The following SRD5A2 variants were observed in gnomAD, a reference collection of about 807,000 sequenced individuals.
SRD5A2 encodes 3-oxo-5-alpha-steroid 4-dehydrogenase 2.
In SRD5A2, 30 loss-of-function variants were observed where a neutral mutation model predicts 27.4. The ratio of observed to expected loss-of-function variants is 1.10; its 90% CI spans 0.82 to 1.49. The LOEUF (loss-of-function observed/expected upper bound fraction) is 1.49. Ranked by LOEUF, SRD5A2 falls within the 40% of genes most tolerant of loss-of-function variation. The probability of loss-of-function intolerance (pLI) is 0.00; values close to 1 mark genes in which losing one functional copy is unlikely to be tolerated. For synonymous variants in SRD5A2, 141 were observed against 133.6 expected, an observed-to-expected ratio of 1.06 and a Z score of -0.38; for missense variants, 348 against 323.4, an observed-to-expected ratio of 1.08 and a Z score of -0.58.
the SRD5A2 span, among the ~76,000 whole-genome samples, chr2:31,620,510 C>A: frequency 6.6e-6 from 1 of 151,978 alleles, no homozygotes. Context: ...AATCAATGTA[C>A]AAAAATCGCT....
intron 1 of SRD5A2, among the ~76,000 whole-genome samples, chr2:31,541,031 T>C (rs1666118952): frequency 1.3e-5 from 2 of 152,168 alleles, no homozygotes; most frequent in Admixed American, 6.5e-5. Context: ...GCACCCTATT[T>C]CCACTCCCTT....
chr2:31,562,699 G>A (rs192547763), intron 1 of SRD5A2, among the ~76,000 whole-genome samples: 19 of 152,182 alleles, frequency 1.2e-4, no homozygotes, highest in African/African-American at 4.6e-4. Flanking sequence ...GAGGGGCAAG[G>A]GTTGAAAAAC....
At chr2:31,568,570 C>T (rs1327730563) in intron 1 of SRD5A2, among the ~76,000 whole-genome samples, 1 of 152,128 alleles carries the variant, frequency 6.6e-6, no homozygotes, top group African/African-American at 2.4e-5. Flanking sequence ...TCAGAAAAAG[C>T]ACCATAAATT....
the SRD5A2 span, among the ~76,000 whole-genome samples, chr2:31,603,724 T>C: frequency 1.3e-5 from 2 of 151,922 alleles, no homozygotes; most frequent in African/African-American, 4.8e-5. Flanking sequence ...TAAAAAGGAA[T>C]GAGACCATGT....
chr2:31,536,071 G>T (rs921127166), intron 1 of SRD5A2, among the ~76,000 whole-genome samples: 1 of 152,110 alleles, frequency 6.6e-6, no homozygotes, highest in African/African-American at 2.4e-5. Context: ...AGATGATGCA[G>T]GAAAAAGTAA....
chr2:31,618,495 C>T, the SRD5A2 span, among the ~76,000 whole-genome samples: 4 of 151,992 alleles, frequency 2.6e-5, no homozygotes, highest in Admixed American at 2.6e-4. Context: ...TAAACAGCTT[C>T]TAAAAAGAAA....
At chr2:31,537,025 T>C (rs999803849) in intron 1 of SRD5A2, among the ~76,000 whole-genome samples, 2 of 152,136 alleles carry the variant, frequency 1.3e-5, no homozygotes, top group African/African-American at 4.8e-5. Context: ...AAATTGCAAA[T>C]CCAAATTAAA....
intron 1 of SRD5A2, among the ~76,000 whole-genome samples, chr2:31,541,448 C>G (rs769583849): frequency 6.6e-6 from 1 of 151,684 alleles, no homozygotes; most frequent in Non-Finnish European, 1.5e-5. Flanking sequence ...AACAGCAGAT[C>G]TACTCAAAAA....
In SRD5A2 at chr2:31,529,435, A is replaced by G. The variant is rs1283085439; in HGVS notation, c.570T>C (p.Ser190=). Residue 190 remains serine (S), a synonymous_variant, in exon 4 of 5, where the codon TCT becomes TCC. Coordinates refer to ENST00000622030, the MANE Select transcript of SRD5A2 (RefSeq NM_000348.4). ...TGATCTCACCGAGGAAATTGGCTCC[A>G]GAAACATACGTAAACAAGCCACCTG... ...IPQGGLFTYV[S]GANFLGEIIE... 1 of 1,613,660 alleles carries G rather than the reference A, an allele frequency of 6.2e-7. No individual in the cohort carries two copies. Among genetic ancestry groups the G allele is most frequent in the Non-Finnish European group, 8.5e-7 (1 of 1,179,792 alleles).
intron 3 of SRD5A2, 45 bp downstream of exon 3, chr2:31,531,326 A>T (rs1277569429): frequency 7.3e-7 from 1 of 1,362,754 alleles, no homozygotes; most frequent in Non-Finnish European, 1.0e-6. Flanking sequence ...TCCCTGGGAC[A>T]GGCTCCAGGG....
intron 1 of SRD5A2, among the ~76,000 whole-genome samples, chr2:31,555,475 TC>T: frequency 6.6e-6 from 1 of 152,324 alleles, no homozygotes; most frequent in South Asian, 2.1e-4. Context: ...TACATTTTTT[TC>T]TAGGACTGTT....
At chr2:31,567,578 G>A (rs1666759532) in intron 1 of SRD5A2, among the ~76,000 whole-genome samples, 1 of 151,810 alleles carries the variant, frequency 6.6e-6, no homozygotes, top group African/African-American at 2.4e-5. Context: ...ACCCTTTGTA[G>A]TTCTACCTTC....
At chr2:31,540,322 A>C (rs1226297693) in intron 1 of SRD5A2, among the ~76,000 whole-genome samples, 1 of 152,212 alleles carries the variant, frequency 6.6e-6, no homozygotes, top group African/African-American at 2.4e-5. Context: ...TTCAGACTTA[A>C]GCATTAATAC....
chr2:31,635,625 C>A, the SRD5A2 span, among the ~76,000 whole-genome samples: 1 of 152,034 alleles, frequency 6.6e-6, no homozygotes, highest in African/African-American at 2.4e-5. Context: ...CCAAAAAAAT[C>A]TTTGCCCAGA....
chr2:31,560,269 G>T (rs1382632093), intron 1 of SRD5A2, among the ~76,000 whole-genome samples: 1 of 152,022 alleles, frequency 6.6e-6, no homozygotes, highest in Admixed American at 6.6e-5. Flanking sequence ...AGCAAGCATT[G>T]CCTTTGATGT....
At chr2:31,549,618 A>G (rs1666343576) in intron 1 of SRD5A2, among the ~76,000 whole-genome samples, 1 of 152,224 alleles carries the variant, frequency 6.6e-6, no homozygotes, top group Non-Finnish European at 1.5e-5. Context: ...GTAGACTCTG[A>G]GCAAACAAAA....
chr2:31,570,952 C>T (rs946745709), intron 1 of SRD5A2, among the ~76,000 whole-genome samples: 59 of 152,150 alleles, frequency 3.9e-4, no homozygotes, highest in African/African-American at 9.9e-4. Flanking sequence ...ACTGCCAAAG[C>T]GATTTACAGA....
the SRD5A2 span, among the ~76,000 whole-genome samples, chr2:31,617,733 A>T: frequency 6.6e-6 from 1 of 152,222 alleles, no homozygotes; most frequent in Non-Finnish European, 1.5e-5. Context: ...TCCAGTTCCC[A>T]ACAAGCTCCT....
the SRD5A2 span, among the ~76,000 whole-genome samples, chr2:31,589,311 T>C: frequency 6.6e-6 from 1 of 152,144 alleles, no homozygotes; most frequent in South Asian, 2.1e-4. Flanking sequence ...CCAGTGGAGC[T>C]CATTCCCAGC....
Sources: gnomAD v4.1 joint callset for allele counts (sites outside exome capture counted in the v4.1 genomes callset) on GRCh38, gnomAD v4.1.1 for gene constraint, MANE v1.5 for transcripts, NCBI Gene and HGNC (gene_info 2026-07-23, HGNC 2026-07-21) for gene names.